LIPG: variants seen among roughly 807,000 people sequenced by gnomAD.
LIPG encodes lipase G, endothelial type.
In LIPG, 34 loss-of-function variants were observed where a neutral mutation model predicts 51.8. The observed-to-expected ratio is 0.66, with a 90% CI of 0.50 to 0.87. The LOEUF is 0.87. Among genes scored for constraint, LIPG ranks in the 40% least tolerant of loss-of-function variants. The probability of loss-of-function intolerance (pLI) is 0.00; values close to 1 mark genes in which losing one functional copy is unlikely to be tolerated. For missense variants in LIPG, 580 were observed against 652.7 expected, an observed-to-expected ratio of 0.89 and a Z score of 1.21; for synonymous variants, 246 against 246.1, an observed-to-expected ratio of 1.00 and a Z score of 0.00.
chr18:49,566,996 C>T (rs987112472), intron 2 of LIPG, among the ~76,000 whole-genome samples: 4 of 152,182 alleles, frequency 2.6e-5, no homozygotes, highest in African/African-American at 7.2e-5. Flanking sequence ...TGGTCCTGCT[C>T]ATGTGCAAAT....
intron 5 of LIPG, among the ~76,000 whole-genome samples, chr18:49,579,002 GGGAGA>G: frequency 0.12 from 1 of 8 alleles, no homozygotes; most frequent in South Asian, 0.5. Flanking sequence ...GGAGACCGTG[GGGAGA>G]GGGAGAGGGA....
chr18:49,570,247 A>T (rs1005031701), intron 4 of LIPG, among the ~76,000 whole-genome samples: 1 of 152,236 alleles, frequency 6.6e-6, no homozygotes, highest in African/African-American at 2.4e-5. Context: ...TTCCATGTTG[A>T]AAACTGCATC....
In LIPG at chr18:49,581,847, C is replaced by T. The variant is rs995705156; in HGVS notation, c.1036+190C>T. The T allele has an allele frequency of 1.1e-4, 76 of 700,042 alleles. 2 individuals are homozygous for T. Among genetic ancestry groups the T allele is most frequent in the Non-Finnish European group, 1.4e-4 (56 of 408,140 alleles). The allele number at this position is 700,042 out of a possible 1,614,324, so 43.4% of individuals were successfully genotyped here. A position where few individuals can be genotyped will look rare whatever the true frequency, so the allele number is the denominator to read the frequency against. On this transcript the variant is annotated intron_variant, in intron 6 of 9. Coordinates refer to ENST00000261292, the MANE Select transcript of LIPG (RefSeq NM_006033.4). ...CTTTACAAAATAAACAGTGTGGACC[C>T]CTTTTGTGATGTGGCTATCAGTCCA... is the stretch of plus-strand genomic sequence containing the variant.
At chr18:49,581,706 CT>C (rs1349302202) in intron 6 of LIPG, 49 bp downstream of exon 6, 4 of 1,600,252 alleles carry the variant, frequency 2.5e-6, no homozygotes, top group Non-Finnish European at 3.4e-6. Context: ...TTAATACCTC[CT>C]TCTTAATACC....
intron 1 of LIPG, 84 bp from the exon 2 acceptor site, chr18:49,565,233 C>A: frequency 7.1e-7 from 1 of 1,401,624 alleles, no homozygotes; most frequent in Non-Finnish European, 1.0e-6. Flanking sequence ...AAGCAAATTG[C>A]TCACGATTGA....
At chr18:49,573,631 G>C (rs952840300) in intron 4 of LIPG, among the ~76,000 whole-genome samples, 2 of 151,888 alleles carry the variant, frequency 1.3e-5, no homozygotes, top group African/African-American at 4.8e-5. Flanking sequence ...ACTATTTAGC[G>C]TTTCAGCCTC....
chr18:49,588,178 T>C (rs988127369), intron 9 of LIPG, among the ~76,000 whole-genome samples: 4 of 151,992 alleles, frequency 2.6e-5, no homozygotes, highest in Non-Finnish European at 4.4e-5. Flanking sequence ...GGCCACCAGG[T>C]CAGGTTTGGG....
chr18:49,569,568 C>G lies in LIPG; in HGVS notation c.571+20C>G. 3 of 1,575,474 alleles carry G rather than the reference C, an allele frequency of 1.9e-6. No homozygotes were observed. Among genetic ancestry groups the G allele is most frequent in the Non-Finnish European group, 2.6e-6 (3 of 1,146,054 alleles). On this transcript the variant is annotated intron_variant, in intron 4 of 9. Transcript: ENST00000261292. ...TCACAGGTGAGCTCCACTTCCATCA[C>G]TAAAGGGCTCCCTCAGCTGCGCTAA...
At chr18:49,572,628 T>G (rs959075390) in intron 4 of LIPG, among the ~76,000 whole-genome samples, 3 of 148,824 alleles carry the variant, frequency 2.0e-5, no homozygotes, top group African/African-American at 7.5e-5. Flanking sequence ...CTACTCGGGA[T>G]GCTGAGGTGG....
intron 5 of LIPG, among the ~76,000 whole-genome samples, chr18:49,579,802 T>TCCTTTCCTTTC (rs1568533598): frequency 9.5e-6 from 1 of 104,820 alleles, no homozygotes; most frequent in African/African-American, 3.5e-5. Context: ...TCTTTTCTTT[T>TCCTTTCCTTTC]CTTTTCTTTT....
At chr18:49,586,987 G>A in intron 9 of LIPG, 137 bp downstream of exon 9, 1 of 695,290 alleles carries the variant, frequency 1.4e-6, no homozygotes, top group Non-Finnish European at 2.5e-6. Context: ...TAAGAAGTTG[G>A]GCCGGGCGTG....
intron 5 of LIPG, among the ~76,000 whole-genome samples, chr18:49,579,590 G>C (rs1317181025): frequency 6.6e-6 from 1 of 151,906 alleles, no homozygotes; most frequent in African/African-American, 2.4e-5. Context: ...TTGACCCCAG[G>C]CAGCTCTCTC....
chr18:49,585,719 C>A (rs1003368339), intron 8 of LIPG, among the ~76,000 whole-genome samples: 1 of 152,158 alleles, frequency 6.6e-6, no homozygotes. Context: ...TATGCATTCT[C>A]CAGCTTGAAC....
intron 5 of LIPG, among the ~76,000 whole-genome samples, chr18:49,579,224 G>C (rs558626552): frequency 1.4e-4 from 17 of 118,954 alleles, no homozygotes; most frequent in South Asian, 3.0e-4. Flanking sequence ...GAGAGGGAGA[G>C]GGAGAGGGAG....
chr18:49,579,803 C>CTTTTCTT (rs2084798210), intron 5 of LIPG, among the ~76,000 whole-genome samples: 2 of 142,546 alleles, frequency 1.4e-5, no homozygotes, highest in African/African-American at 2.8e-5. Context: ...CTTTTCTTTT[C>CTTTTCTT]TTTTCTTTTC....
At chr18:49,590,239 G>T in intron 9 of LIPG, 2 of 553,654 alleles carry the variant, frequency 3.6e-6, no homozygotes, top group Non-Finnish European at 3.3e-6. Flanking sequence ...GTAAATGCAA[G>T]AACTGTGATG....
intron 9 of LIPG, 43 bp downstream of exon 9, chr18:49,586,893 CAT>C: frequency 7.3e-7 from 1 of 1,366,362 alleles, no homozygotes. Flanking sequence ...GACACGTTGA[CAT>C]GATGATCTCC....
chr18:49,566,380 C>T (rs1208617493), intron 2 of LIPG, among the ~76,000 whole-genome samples: 1 of 152,174 alleles, frequency 6.6e-6, no homozygotes, highest in African/African-American at 2.4e-5. Context: ...AATGCAAATA[C>T]AAGCTGCCTG....
At chr18:49,590,175 G>A (rs1263005132) in intron 9 of LIPG, 1 of 157,168 alleles carries the variant, frequency 6.4e-6, no homozygotes, top group Non-Finnish European at 1.2e-5. Flanking sequence ...GTCCATGATT[G>A]TGTGTGTGTG....
Sources: allele counts gnomAD v4.1 joint callset (sites outside exome capture counted in the v4.1 genomes callset), GRCh38; gene constraint gnomAD v4.1.1; transcripts MANE v1.5; gene names NCBI Gene and HGNC (gene_info 2026-07-23, HGNC 2026-07-21).